The following SNED1 variants were observed in gnomAD, a reference collection of about 807,000 sequenced individuals.
SNED1 encodes the protein sushi, nidogen and EGF-like domain-containing protein 1.
A neutral mutation model predicts 166.7 loss-of-function variants in SNED1; 81 were observed. That is an observed-to-expected ratio of 0.49 (90% CI 0.41 to 0.58). SNED1 has a LOEUF of 0.58. SNED1 is among the 20% of genes least tolerant of loss of function. The pLI is 0.00. For synonymous variants in SNED1, 762 were observed against 822.0 expected (o/e 0.93, Z 1.25); for missense variants, 1,604 against 2,000.2 (o/e 0.80, Z 3.78).
chr2:241,042,246 G>A (rs1395920651), intron 8 of SNED1, among the ~76,000 whole-genome samples: 1 of 152,180 alleles, frequency 6.6e-6, no homozygotes, highest in Non-Finnish European at 1.5e-5. Flanking sequence ...CCACTAGAAA[G>A]CAGTAAGTCA....
chr2:241,036,820 T>G lies in SNED1; in HGVS notation c.836T>G (p.Leu279Arg), dbSNP rs550947955. Reference protein sequence around the residue: ...TSVCLALRPCLNGGKCIDDCV... With the variant: ...TSVCLALRPCRNGGKCIDDCV... ...GTGTGCCTGGCCCTGCGCCCCTGCC[T>G]CAACGGCGGCAAGTGCATCGACGAC... Residue 279 changes from leucine (L) to arginine (R), a missense_variant, in exon 5 of 32, where the codon CTC (leucine) becomes CGC (arginine). By Grantham distance (102) the Leu-to-Arg change is moderately radical. Coordinates refer to ENST00000310397, the MANE Select transcript of SNED1 (RefSeq NM_001080437.3). 16 of 1,610,460 alleles carry G rather than the reference T, an allele frequency of 9.9e-6. No homozygotes were observed. In the Admixed American group the frequency reaches 1.7e-4, roughly 17 times the overall value.
rs886450244 is a variant in SNED1, at chr2:241,064,379, A to G, written c.2599+254A>G. 2.6e-5 allele frequency among the ~76,000 whole-genome samples: 4 copies of G among 151,964 alleles called. No homozygotes were observed. Among genetic ancestry groups the G allele is most frequent in the Non-Finnish European group, 2.9e-5 (2 of 67,978 alleles). ...CAGACACCCCTCTTCACCCGAGGAC[A>G]CACCCAGGGGTGGGGCCTCACGTCC... On this transcript the variant is annotated intron_variant, in intron 19 of 31. Transcript: ENST00000310397. The surrounding 1 kb of genome is among the most constrained non-coding windows in gnomAD (Gnocchi z 7.0).
upstream of SNED1, among the ~76,000 whole-genome samples, chr2:240,998,028 T>C (rs917975604): frequency 2.0e-5 from 3 of 152,242 alleles, no homozygotes; most frequent in African/African-American, 7.2e-5. Flanking sequence ...TGGGTCAGTC[T>C]TCCCCACGGA....
chr2:241,036,805 C>T lies in SNED1; in HGVS notation c.821C>T (p.Ala274Val), dbSNP rs368666876. 3.2e-4 allele frequency: 509 copies of T among 1,609,112 alleles called. No individual in the cohort carries two copies. Among genetic ancestry groups the T allele is most frequent in the Non-Finnish European group, 4.0e-4 (474 of 1,179,670 alleles). ...GCGHTTSVCL[A>V]LRPCLNGGKC... The stretch of plus-strand genomic sequence containing the variant: ...ATGTCTGCAGCGTCCGTGTGCCTGG[C>T]CCTGCGCCCCTGCCTCAACGGCGGC... Residue 274 changes from alanine (A) to valine (V), a missense_variant, in exon 5 of 32, where the codon GCC (alanine) becomes GTC (valine). Ala to Val is a moderately conservative substitution (Grantham distance 64). Around this residue, in one of 2 missense-constraint regions of SNED1, gnomAD observed 1,237 missense variants for 1,620.8 expected, o/e 0.76. Transcript: ENST00000310397.
chr2:241,014,806 G>A (rs1213765776), intron 1 of SNED1, among the ~76,000 whole-genome samples: 1 of 152,028 alleles, frequency 6.6e-6, no homozygotes, highest in African/African-American at 2.4e-5. Flanking sequence ...TCCTTCACAC[G>A]CAGGTCTCTA....
intron 27 of SNED1, among the ~76,000 whole-genome samples, chr2:241,080,122 T>C (rs986547770): frequency 6.6e-6 from 1 of 151,918 alleles, no homozygotes. Flanking sequence ...CCGTCTCTAC[T>C]AAAATACAAA....
intron 16 of SNED1, among the ~76,000 whole-genome samples, chr2:241,059,152 G>A (rs2062155389): frequency 6.6e-6 from 1 of 152,144 alleles, no homozygotes. Context: ...TGACAACTTA[G>A]GGGAAATGGA....
chr2:241,062,831 C>T lies in SNED1; in HGVS notation c.2298C>T (p.Gly766=). The T allele has an allele frequency of 6.2e-7, 1 of 1,612,062 alleles. No individual in the cohort carries two copies. The highest frequency in any genetic ancestry group is 1.7e-5 in the Admixed American group (1 of 59,758). The change falls in exon 17 of 32, where the codon GGC becomes GGT. Residue 766 remains glycine (G), a synonymous_variant. Coordinates refer to ENST00000310397, the MANE Select transcript of SNED1 (RefSeq NM_001080437.3). The part of the protein sequence containing the change: ...ECRSQPCLHG[G]SCQDRVAGYL... The stretch of plus-strand genomic sequence containing the variant: ...GGTCTCAGCCGTGCCTGCATGGGGG[C>T]TCTTGTCAGGACCGCGTTGCTGGGT...
chr2:241,065,971 T>G (rs1417963272), intron 21 of SNED1, among the ~76,000 whole-genome samples: 1 of 151,974 alleles, frequency 6.6e-6, no homozygotes, highest in East Asian at 1.9e-4. Context: ...GCTGGGACTC[T>G]GGGGTGCTCT....
chr2:241,009,488 C>T (rs2060320783), intron 1 of SNED1, among the ~76,000 whole-genome samples: 1 of 152,048 alleles, frequency 6.6e-6, no homozygotes, highest in Non-Finnish European at 1.5e-5. Flanking sequence ...CACAAGGAAG[C>T]AGAGGGGCTG....
chr2:241,000,740 C>G (rs978807219), intron 1 of SNED1, among the ~76,000 whole-genome samples: 5 of 152,264 alleles, frequency 3.3e-5, no homozygotes, highest in Admixed American at 6.5e-5. Context: ...AATGAACCTT[C>G]TGGCTGCTAA....
chr2:241,085,758 T>C (rs1370161620), intron 29 of SNED1, among the ~76,000 whole-genome samples: 1 of 152,074 alleles, frequency 6.6e-6, no homozygotes, highest in Non-Finnish European at 1.5e-5. Flanking sequence ...ATTATCTGAG[T>C]ATAGTTTGAT....
intron 1 of SNED1, among the ~76,000 whole-genome samples, chr2:241,029,886 G>T (rs1336051066): frequency 1.3e-5 from 2 of 152,232 alleles, no homozygotes; most frequent in Non-Finnish European, 2.9e-5. Context: ...TCAGATACTG[G>T]GGCTCCGCCT....
intron 16 of SNED1, among the ~76,000 whole-genome samples, chr2:241,057,904 T>C (rs2062110742): frequency 6.6e-6 from 1 of 152,132 alleles, no homozygotes. Context: ...ATGGTAAGAC[T>C]TGTCACTATC....
rs866696706 is a variant in SNED1 at position 241,067,217 on chromosome 2, G to A, written c.3011-547G>A. Among the ~76,000 whole-genome samples, 6 of 152,224 alleles carry A rather than the reference G, an allele frequency of 3.9e-5. No homozygotes were observed. In the South Asian group the frequency reaches 6.2e-4, roughly 16 times the overall value. ...GGTGCTGAGTTGCCGGGAGCTGAGC[G>A]CTGCCCTCTGGGCTCTGCCTGGTGC... On this transcript the variant is annotated intron_variant, in intron 21 of 31. Coordinates refer to ENST00000310397, the MANE Select transcript of SNED1 (RefSeq NM_001080437.3).
At position 241,093,997 on chromosome 2, in the gene SNED1, T is replaced by G. The variant is rs1415186992; in HGVS notation, c.*2361T>G. On this transcript the variant is annotated 3_prime_UTR_variant, in exon 32 of 32. Coordinates refer to ENST00000310397, the MANE Select transcript of SNED1 (RefSeq NM_001080437.3). ...ATCTAACCAAGTGCAGACTGAGGAT[T>G]CTACTTAGTCCTCCGACTGGGTACA... 1 of 229,046 alleles carries G rather than the reference T, an allele frequency of 4.4e-6. No homozygotes were observed. Among genetic ancestry groups the G allele is most frequent in the Non-Finnish European group, 8.8e-6 (1 of 113,204 alleles). 14.2% of individuals were successfully genotyped at this position (229,046 alleles called of 1,614,324 possible).
intron 1 of SNED1, among the ~76,000 whole-genome samples, chr2:241,024,652 C>CTTATTTTATTTTATTTTTTT (rs2060893868): frequency 7.2e-6 from 1 of 139,540 alleles, no homozygotes; most frequent in Admixed American, 7.1e-5. Flanking sequence ...CTTATTTTAT[C>CTTATTTTATTTTATTTTTTT]TTATTTTATT....
chr2:241,049,839 G>A lies in SNED1; in HGVS notation c.1641G>A (p.Ser547=), dbSNP rs1439085112. Residue 547 remains serine (S), a synonymous_variant, in exon 12 of 32, where the codon TCG becomes TCA. Transcript: ENST00000310397. ...ASHSLPSPCD[S]DPCFNGGSCD... ...CAGCCCTGCCATCACCCTGCGACTCGGACCCCTGCTTCAACGGAGGCTCCT... is the reference window on the plus strand; with the variant it reads ...CAGCCCTGCCATCACCCTGCGACTCAGACCCCTGCTTCAACGGAGGCTCCT... The A allele has an allele frequency of 6.2e-7, 1 of 1,613,750 alleles. No homozygotes were observed. The highest frequency in any genetic ancestry group is 1.7e-5 in the Admixed American group (1 of 60,026).
Position 241,071,638 on chromosome 2 carries a change from A to T in SNED1, c.3652A>T (p.Asn1218Tyr). The T allele has an allele frequency of 6.3e-7, 1 of 1,583,708 alleles. No homozygotes were observed. Among genetic ancestry groups the T allele is most frequent in the Non-Finnish European group, 8.5e-7 (1 of 1,172,258 alleles). Residue 1218 changes from asparagine (N) to tyrosine (Y), a missense_variant, in exon 25 of 32, where the codon AAC becomes TAC. Physicochemically the swap from Asn to Tyr is moderately radical, Grantham distance 143 (BLOSUM62 -2). Transcript: ENST00000310397. ...QGGHHPRVLK[N>Y]RPPPARLPEL... ...AGGACACCACCCTCGGGTGCTCAAG[A>T]ACAGACCGCCCCCGGCGCGCCTGCC...
Sources: allele counts gnomAD v4.1 joint callset (sites outside exome capture counted in the v4.1 genomes callset), GRCh38; gene constraint gnomAD v4.1.1; regional missense constraint gnomAD v4.1.1; non-coding constraint Gnocchi (gnomAD v3.1); transcripts MANE v1.5; gene names NCBI Gene and HGNC (gene_info 2026-07-23, HGNC 2026-07-21).